The following RANBP17 variants were observed in gnomAD, a reference collection of about 807,000 sequenced individuals.
The protein encoded by RANBP17 is ran-binding protein 17.
RANBP17 carries 158 observed loss-of-function variants against 141.2 expected under a neutral mutation model. The observed-to-expected ratio is 1.12, with a 90% CI of 0.98 to 1.28. The LOEUF (loss-of-function observed/expected upper bound fraction) is 1.28, where lower values mean the gene tolerates loss of function less well. Among genes scored for constraint, RANBP17 ranks in the 50% most tolerant of loss-of-function variants. The pLI, the probability that RANBP17 is intolerant of heterozygous loss-of-function variation, is 0.00. For missense variants in RANBP17, 1,438 were observed against 1,290.7 expected, an observed-to-expected ratio of 1.11 and a Z score of -1.75; for synonymous variants, 430 against 450.0, an observed-to-expected ratio of 0.96 and a Z score of 0.56.
intron 14 of RANBP17, among the ~76,000 whole-genome samples, chr5:171,140,019 A>C (rs980865482): frequency 6.6e-6 from 1 of 152,134 alleles, no homozygotes; most frequent in Non-Finnish European, 1.5e-5. Flanking sequence ...CTTTACATAC[A>C]TCACTTCTTC....
rs1412690545 is a variant in RANBP17 at position 171,241,161 on chromosome 5, T to C, written c.2637+19T>C. On this transcript the variant is annotated intron_variant, in intron 23 of 27. Coordinates refer to ENST00000523189, the MANE Select transcript of RANBP17 (RefSeq NM_022897.5). ...CTTGCTAGTAAGCAATCATGCATCATGGGAGTGTTTGTATGAAATGTGAAG... is the reference window on the plus strand; with the variant it reads ...CTTGCTAGTAAGCAATCATGCATCACGGGAGTGTTTGTATGAAATGTGAAG... The C allele has an allele frequency of 6.4e-7, 1 of 1,573,096 alleles. No homozygotes were observed. Among genetic ancestry groups the C allele is most frequent in the Non-Finnish European group, 8.7e-7 (1 of 1,145,174 alleles).
chr5:171,190,496 G>A (rs780004374), intron 18 of RANBP17, among the ~76,000 whole-genome samples: 1 of 152,112 alleles, frequency 6.6e-6, no homozygotes, highest in African/African-American at 2.4e-5. Context: ...TCGAAGAAAT[G>A]ATCAAAATGA....
At chr5:171,221,578 A>G (rs1763558560) in intron 21 of RANBP17, among the ~76,000 whole-genome samples, 180 bp from the exon 22 acceptor site, 1 of 152,240 alleles carries the variant, frequency 6.6e-6, no homozygotes, top group African/African-American at 2.4e-5. Context: ...TTGTCCTACT[A>G]TCTTTAGAGT....
chr5:170,970,805 C>T (rs1045988539), intron 14 of RANBP17: 3 of 151,988 alleles, frequency 2.0e-5, no homozygotes, highest in Admixed American at 1.3e-4. Flanking sequence ...TGAGAGTGTT[C>T]GTTTTGTCTG....
At chr5:171,046,447 A>C (rs1422055243) in intron 14 of RANBP17, among the ~76,000 whole-genome samples, 1 of 151,972 alleles carries the variant, frequency 6.6e-6, no homozygotes, top group African/African-American at 2.4e-5. Flanking sequence ...TGACCTCGTG[A>C]TCTGCCTGCC....
Position 170,924,366 on chromosome 5 carries a change from A to T in RANBP17, c.1284A>T (p.Leu428Phe), listed in dbSNP as rs141644933. 297 of 1,584,624 alleles carry T rather than the reference A, an allele frequency of 1.9e-4. No individual in the cohort carries two copies. Among genetic ancestry groups the T allele is most frequent in the Non-Finnish European group, 2.5e-4 (284 of 1,157,072 alleles). Residue 428 changes from leucine to phenylalanine, a missense_variant, in exon 12 of 28, where the codon TTA becomes TTT. Physicochemically the swap from Leu to Phe is conservative, Grantham distance 22. Coordinates refer to ENST00000523189, the MANE Select transcript of RANBP17 (RefSeq NM_022897.5). ...TATTCTGTGTTTGCAGAGATCACTT[A>T]GATGATCCACTGGATGATACTGCCA... ...DSVAIVVRDH[L>F]DDPLDDTATV...
At chr5:171,022,131 C>G (rs181032814) in intron 14 of RANBP17, among the ~76,000 whole-genome samples, 2 of 152,270 alleles carry the variant, frequency 1.3e-5, no homozygotes, top group African/African-American at 4.8e-5. Context: ...CTGGAGATGT[C>G]ACTCAACAAG....
At chr5:171,199,300 G>A (rs1337505955) in intron 18 of RANBP17, among the ~76,000 whole-genome samples, 1 of 152,010 alleles carries the variant, frequency 6.6e-6, no homozygotes, top group Non-Finnish European at 1.5e-5. Flanking sequence ...GGCACCCAAA[G>A]AGAAGGGGGA....
At chr5:171,109,052 A>G (rs965090278) in intron 14 of RANBP17, among the ~76,000 whole-genome samples, 9 of 152,216 alleles carry the variant, frequency 5.9e-5, no homozygotes, top group African/African-American at 1.2e-4. Context: ...GGAAAAATGA[A>G]TATGTCTGGT....
At chr5:170,942,378 A>C (rs912186110) in intron 12 of RANBP17, among the ~76,000 whole-genome samples, 2 of 152,328 alleles carry the variant, frequency 1.3e-5, no homozygotes, top group African/African-American at 4.8e-5. Flanking sequence ...CATCAATATG[A>C]AGATGAATAA....
rs1184273592 is a variant in RANBP17, at chr5:170,924,520, G to C, written c.1438G>C (p.Gly480Arg). 2 of 1,607,186 alleles carry C rather than the reference G, an allele frequency of 1.2e-6. No individual in the cohort carries two copies. Residue 480 changes from glycine (G) to arginine (R), a missense_variant, in exon 12 of 28, where the codon GGT (glycine) becomes CGT (arginine). By Grantham distance (125) the Gly-to-Arg change is moderately radical. Coordinates refer to ENST00000523189, the MANE Select transcript of RANBP17 (RefSeq NM_022897.5). ...CCAAAAACTTCTGCATCCATATTCT[G>C]GTGTAACTGTGGACATCACCATTCA... ...NYQKLLHPYS[G>R]VTVDITIQEG...
At chr5:171,101,795 A>G (rs529415036) in intron 14 of RANBP17, among the ~76,000 whole-genome samples, 1 of 152,258 alleles carries the variant, frequency 6.6e-6, no homozygotes, top group South Asian at 2.1e-4. Flanking sequence ...CCTAGTGGTG[A>G]CAGAATCCCT....
At chr5:171,228,473 G>A (rs2127987690) in intron 22 of RANBP17, among the ~76,000 whole-genome samples, 1 of 152,282 alleles carries the variant, frequency 6.6e-6, no homozygotes, top group South Asian at 2.1e-4. Flanking sequence ...AAAGAAAGTG[G>A]TGTCTTGAGA....
rs1394110611 is a variant in RANBP17 at position 170,989,159 on chromosome 5, C to T, written c.1710+20782C>T. On this transcript the variant is annotated intron_variant, in intron 14 of 27. Coordinates refer to ENST00000523189, the MANE Select transcript of RANBP17 (RefSeq NM_022897.5). ...AGTTGTCAGTGAGAATCTCATACTA[C>T]ATACTTGGAAGTATTTTCTAATGCT... Among the ~76,000 whole-genome samples, 3 of 151,796 alleles carry T rather than the reference C, an allele frequency of 2.0e-5. No homozygotes were observed. In the East Asian group the frequency reaches 5.8e-4, roughly 29 times the overall value.
chr5:170,996,920 AG>A (rs2127571879), intron 14 of RANBP17, among the ~76,000 whole-genome samples: 1 of 152,296 alleles, frequency 6.6e-6, no homozygotes, highest in East Asian at 1.9e-4. Context: ...GTGTCTAGAA[AG>A]GTGATTAAAC....
chr5:171,015,802 A>G (rs913277661), intron 14 of RANBP17, among the ~76,000 whole-genome samples: 7 of 152,180 alleles, frequency 4.6e-5, no homozygotes, highest in African/African-American at 1.7e-4. Flanking sequence ...CTATGCTGAA[A>G]CAAAATCTTT....
chr5:171,006,296 C>CGT, intron 14 of RANBP17, among the ~76,000 whole-genome samples: 1 of 152,286 alleles, frequency 6.6e-6, no homozygotes, highest in East Asian at 1.9e-4. Context: ...CACATGCACA[C>CGT]GTATGTTCAT....
chr5:171,286,954 T>G (rs1367978621), intron 25 of RANBP17, among the ~76,000 whole-genome samples: 1 of 152,200 alleles, frequency 6.6e-6, no homozygotes, highest in Non-Finnish European at 1.5e-5. Flanking sequence ...TTGTTTTTGT[T>G]TTATTGTTTT....
chr5:171,179,848 C>T (rs1760766390), intron 16 of RANBP17, among the ~76,000 whole-genome samples: 2 of 152,090 alleles, frequency 1.3e-5, no homozygotes, highest in South Asian at 4.1e-4. Context: ...TGAAGTCATA[C>T]TTGGTGTTAC....
Sources: gnomAD v4.1 joint callset for allele counts (sites outside exome capture counted in the v4.1 genomes callset) on GRCh38, gnomAD v4.1.1 for gene constraint, MANE v1.5 for transcripts, NCBI Gene and HGNC (gene_info 2026-07-23, HGNC 2026-07-21) for gene names.